AMN: variants seen among roughly 807,000 people sequenced by gnomAD.
AMN encodes amnion associated transmembrane protein, also known as protein amnionless.
AMN carries 40 observed loss-of-function variants against 49.1 expected under a neutral mutation model. That is an observed-to-expected ratio of 0.81 (90% CI 0.63 to 1.06). AMN has a LOEUF of 1.06. Among genes scored for constraint, AMN ranks in the 50% least tolerant of loss-of-function variants. AMN has a pLI of 0.00. For missense variants in AMN, 701 were observed against 662.8 expected, an observed-to-expected ratio of 1.06 and a Z score of -0.63; for synonymous variants, 380 against 313.3, an observed-to-expected ratio of 1.21 and a Z score of -2.25.
At position 102,928,863 on chromosome 14, in the gene AMN, G is replaced by T; in HGVS notation, c.401G>T (p.Arg134Leu). ...APGLFFVDAE[R>L]VPCRHDDVFF... ...GGCCTCTTCTTCGTGGACGCCGAGC[G>T]CGTGCCCTGCCGCCACGACGACGTC... The change falls in exon 5 of 12, where the codon CGC (arginine) becomes CTC (leucine). Residue 134 changes from arginine to leucine, a missense_variant. Transcript: ENST00000299155. 1.2e-6 allele frequency: 2 copies of T among 1,604,436 alleles called. No individual in the cohort carries two copies. Among genetic ancestry groups the T allele is most frequent in the Non-Finnish European group, 1.7e-6 (2 of 1,179,772 alleles).
intron 1 of AMN, chr14:102,923,503 CAGT>C: frequency 3.4e-6 from 2 of 591,826 alleles, no homozygotes; most frequent in Non-Finnish European, 6.1e-6. Flanking sequence ...CTGCAGGTAT[CAGT>C]AGAAGTCCGT....
chr14:102,928,438 G>T lies in AMN; in HGVS notation c.220G>T (p.Asp74Tyr). The T allele has an allele frequency of 6.2e-7, 1 of 1,605,922 alleles. No homozygotes were observed. Residue 74 changes from aspartate to tyrosine, a missense_variant, in exon 4 of 12, where the codon GAT becomes TAT. Physicochemically the swap from Asp to Tyr is radical, Grantham distance 160. Transcript: ENST00000299155. ...GTGTCTCTTGCAGCTCCTGCCGCTG[G>T]ATGGGGAACTCGTCCTGGCTTCAGG... ...HAVSDMLLPLDGELVLASGAG... is the reference protein window; with the variant it reads ...HAVSDMLLPLYGELVLASGAG...
Position 102,922,672 on chromosome 14 carries a change from C to G in AMN, c.-17C>G. The G allele has an allele frequency of 6.3e-7, 1 of 1,597,882 alleles. No individual in the cohort carries two copies. Among genetic ancestry groups the G allele is most frequent in the Non-Finnish European group, 8.5e-7 (1 of 1,175,250 alleles). On this transcript the variant is annotated 5_prime_UTR_variant, in exon 1 of 12. Coordinates refer to ENST00000299155, the MANE Select transcript of AMN (RefSeq NM_030943.4). ...TGGGGCAAAGTCTCCTGGTGGGGTG[C>G]AAGGAGCCGAGGCGAGATGGGCGTC... is the stretch of plus-strand genomic sequence containing the variant.
chr14:102,923,488 G>A (rs1891109292), intron 1 of AMN: 1 of 558,798 alleles, frequency 1.8e-6, no homozygotes, highest in South Asian at 2.0e-5. Context: ...GCGTTTGAGC[G>A]GGCTCTGCAG....
chr14:102,926,493 A>T (rs1891190369), intron 3 of AMN, among the ~76,000 whole-genome samples: 1 of 152,062 alleles, frequency 6.6e-6, no homozygotes, highest in African/African-American at 2.4e-5. Context: ...CTCCTGCTCC[A>T]AGGTTCTTTG....
At chr14:102,923,013 C>T (rs1891095342) in intron 1 of AMN, 1 of 459,124 alleles carries the variant, frequency 2.2e-6, no homozygotes, top group Non-Finnish European at 3.9e-6. Context: ...GCGGTTTTTC[C>T]GTCTGCGAAA....
In AMN at chr14:102,929,454, G is replaced by C. The variant is rs1398202938; in HGVS notation, c.678G>C (p.Leu226=). The C allele has an allele frequency of 2.0e-6, 3 of 1,531,364 alleles. No homozygotes were observed. Among genetic ancestry groups the C allele is most frequent in the Non-Finnish European group, 2.6e-6 (3 of 1,145,268 alleles). 94.9% of individuals were successfully genotyped at this position (1,531,364 alleles called of 1,614,324 possible). Residue 226 remains leucine, a synonymous_variant, in exon 7 of 12, where the codon CTG becomes CTC. Transcript: ENST00000299155. ...CGCAGCCGTGGATCTGCGCGGCCCT[G>C]CTCCAGCCCCTGGGCGGCCGCTGCC... ...AEAQPWICAA[L]LQPLGGRCPQ... is the part of the protein sequence containing the mutation.
rs768522233 is a variant in AMN at position 102,922,709 on chromosome 14, C to T, written c.21C>T (p.Val7=). The part of the protein sequence containing the change: MGVLGR[V]LLWLQLCALT... ...GCGAGATGGGCGTCCTGGGCCGGGT[C>T]CTGCTGTGGCTGCAGCTCTGCGGTG... is the stretch of plus-strand genomic sequence containing the variant. Residue 7 remains valine, a synonymous_variant, in exon 1 of 12, where the codon GTC becomes GTT. Transcript: ENST00000299155. 1.9e-5 allele frequency: 30 copies of T among 1,596,302 alleles called. No homozygotes were observed. The highest frequency in any genetic ancestry group is 2.5e-5 in the Non-Finnish European group (29 of 1,174,564).
intron 3 of AMN, among the ~76,000 whole-genome samples, chr14:102,928,008 G>A (rs1252551209): frequency 1.3e-5 from 2 of 152,160 alleles, no homozygotes; most frequent in Non-Finnish European, 2.9e-5. Flanking sequence ...CCCAGGAGCC[G>A]GGCAACTTTC....
At position 102,928,833 on chromosome 14, in the gene AMN, C is replaced by T; in HGVS notation, c.371C>T (p.Ala124Val). 2 of 1,606,626 alleles carry T rather than the reference C, an allele frequency of 1.2e-6. No homozygotes were observed. The highest frequency in any genetic ancestry group is 1.3e-5 in the African/African-American group (1 of 75,058). The change falls in exon 5 of 12, where the codon GCA (alanine) becomes GTA (valine). Residue 124 changes from alanine to valine, a missense_variant. By Grantham distance (64) the Ala-to-Val change is moderately conservative (BLOSUM62 0). Transcript: ENST00000299155. ...CACCTGTGGCGCTCTGGGGACGAGG[C>T]ACCTGGCCTCTTCTTCGTGGACGCC... Reference protein sequence around the residue: ...DPHLWRSGDEAPGLFFVDAER... With the variant: ...DPHLWRSGDEVPGLFFVDAER...
intron 1 of AMN, 47 bp downstream of exon 1, chr14:102,922,778 C>A: frequency 6.4e-7 from 1 of 1,553,412 alleles, no homozygotes; most frequent in South Asian, 1.2e-5. Context: ...AGCGGTCTGT[C>A]AGGACCCAGG....
chr14:102,930,733 G>A lies in AMN; in HGVS notation c.*53G>A. On this transcript the variant is annotated 3_prime_UTR_variant, in exon 12 of 12. Coordinates refer to ENST00000299155, the MANE Select transcript of AMN (RefSeq NM_030943.4). ...CTCTCCACCCGCTCTGGCCCCAGTC[G>A]AACTGGGGGCTAGCCACCTCCTCGT... 4.0e-6 allele frequency: 6 copies of A among 1,518,884 alleles called. No homozygotes were observed. In the South Asian group the frequency reaches 6.0e-5, roughly 15 times the overall value. The allele number at this position is 1,518,884 out of a possible 1,614,324, so 94.1% of individuals were successfully genotyped here.
intron 8 of AMN, 29 bp downstream of exon 8, chr14:102,929,766 G>T (rs369631445): frequency 9.7e-6 from 15 of 1,548,204 alleles, no homozygotes; most frequent in Non-Finnish European, 1.3e-5. Context: ...CAGCTGAGGG[G>T]AGTCCCGACC....
At chr14:102,924,043 G>T in intron 3 of AMN, 64 bp downstream of exon 3, 3 of 1,609,688 alleles carry the variant, frequency 1.9e-6, no homozygotes, top group Non-Finnish European at 1.7e-6. Context: ...CGCCTTCAGG[G>T]ACTGCTGTGC....
intron 1 of AMN, 135 bp downstream of exon 1, chr14:102,922,866 G>A: frequency 7.9e-7 from 1 of 1,269,614 alleles, no homozygotes; most frequent in Non-Finnish European, 1.1e-6. Context: ...TTGGGGGCGT[G>A]AAACTCGGCC....
At position 102,930,044 on chromosome 14, in the gene AMN, G is replaced by A; in HGVS notation, c.964G>A (p.Gly322Arg). Residue 322 changes from glycine to arginine, a missense_variant, in exon 9 of 12, where the codon GGG (glycine) becomes AGG (arginine). Gly to Arg is a moderately radical substitution (Grantham distance 125). Transcript: ENST00000299155. Reference sequence around the variant, plus strand: ...GAATGGGCCCGAGACAGGCGGAGCGGGGCGGCTGGCCCGGGCCCTCCTGGC... The same window carrying A: ...GAATGGGCCCGAGACAGGCGGAGCGAGGCGGCTGGCCCGGGCCCTCCTGGC... The part of the protein sequence containing the change: ...VENGPETGGA[G>R]RLARALLADV... 3.2e-6 allele frequency: 5 copies of A among 1,548,780 alleles called. No homozygotes were observed. The highest frequency in any genetic ancestry group is 4.4e-6 in the Non-Finnish European group (5 of 1,147,286).
chr14:102,922,770 C>T (rs1463579154), intron 1 of AMN, 39 bp downstream of exon 1: 4 of 1,560,402 alleles, frequency 2.6e-6, no homozygotes, highest in Admixed American at 3.8e-5. Context: ...CGGACGGTAG[C>T]GGTCTGTCAG....
Position 102,928,767 on chromosome 14 carries a change from C to A in AMN, c.305C>A (p.Ala102Asp), listed in dbSNP as rs755757921. 3 of 1,607,772 alleles carry A rather than the reference C, an allele frequency of 1.9e-6. No homozygotes were observed. The East Asian group carries it at 6.7e-5, about 36-fold the overall frequency. Residue 102 changes from alanine to aspartate, a missense_variant, in exon 5 of 12, where the codon GCC becomes GAC. Coordinates refer to ENST00000299155, the MANE Select transcript of AMN (RefSeq NM_030943.4). ...ATGTGCTCCGGCTCAGGCGAACCTGCCGTCTTCCGCGACTCTGACCGCTTC... is the reference window on the plus strand; with the variant it reads ...ATGTGCTCCGGCTCAGGCGAACCTGACGTCTTCCGCGACTCTGACCGCTTC... ...SHLDCGAGEP[A>D]VFRDSDRFSW...
At position 102,929,727 on chromosome 14, in the gene AMN, T is replaced by C. The variant is rs1313745920; in HGVS notation, c.833T>C (p.Phe278Ser). 5.2e-6 allele frequency: 8 copies of C among 1,550,536 alleles called. No homozygotes were observed. Among genetic ancestry groups the C allele is most frequent in the Non-Finnish European group, 7.0e-6 (8 of 1,147,422 alleles). Residue 278 changes from phenylalanine (F) to serine (S), a missense_variant, in exon 8 of 12, where the codon TTC becomes TCC. By Grantham distance (155) the Phe-to-Ser change is radical. Coordinates refer to ENST00000299155, the MANE Select transcript of AMN (RefSeq NM_030943.4). ...ERYRARILDT[F>S]LGLPQYHGLQ... ...TACCGGGCGCGGATACTGGACACCT[T>C]CCTGGGTCTGGTAATGGGGCCGCGC...
Sources: allele counts gnomAD v4.1 joint callset (sites outside exome capture counted in the v4.1 genomes callset), GRCh38; gene constraint gnomAD v4.1.1; transcripts MANE v1.5; gene names NCBI Gene and HGNC (gene_info 2026-07-23, HGNC 2026-07-21).